Variants in FAN1 observed in about 807,000 individuals in gnomAD.
The protein encoded by FAN1 is FANCD2 and FANCI associated nuclease 1.
A neutral mutation model predicts 104.9 loss-of-function variants in FAN1; 91 were observed. The ratio of observed to expected loss-of-function variants is 0.87; its 90% confidence interval spans 0.73 to 1.03. The LOEUF (loss-of-function observed/expected upper bound fraction) is 1.03. Ranked by LOEUF, FAN1 falls within the 50% of genes least tolerant of loss-of-function variation. FAN1 has a pLI of 0.00. For missense variants in FAN1, 1,263 were observed against 1,239.9 expected, an observed-to-expected ratio of 1.02 and a Z score of -0.28; for synonymous variants, 478 against 457.6, an observed-to-expected ratio of 1.04 and a Z score of -0.57.
chr15:30,923,361 CCTTT>C (rs1199540346), intron 8 of FAN1, among the ~76,000 whole-genome samples: 1 of 152,138 alleles, frequency 6.6e-6, no homozygotes, highest in African/African-American at 2.4e-5. Flanking sequence ...GTTTCTGTCG[CCTTT>C]CTTTCAATGA....
At chr15:30,913,698 A>ATCCC (rs1410602493) in intron 4 of FAN1, among the ~76,000 whole-genome samples, 160 bp from the exon 5 acceptor site, 1 of 152,220 alleles carries the variant, frequency 6.6e-6, no homozygotes, top group Non-Finnish European at 1.5e-5. Context: ...ACTCCTGTGT[A>ATCCC]TCCCTGGGTG....
rs562612785 is a variant in FAN1 at position 30,926,798 on chromosome 15, T to C, written c.2488+859T>C. On this transcript the variant is annotated intron_variant, in intron 10 of 14. Transcript: ENST00000362065. ...CGCTGAAATGCTTTCAGTTGAGCCA[T>C]GAGCCTGAAAAACACACGATTCCTT... 36 of 985,430 alleles carry C rather than the reference T, an allele frequency of 3.7e-5. 1 individual carries two copies. In the South Asian group the frequency reaches 1.4e-3, roughly 37 times the overall value. 61.0% of individuals were successfully genotyped at this position (985,430 alleles called of 1,614,324 possible).
chr15:30,939,570 T>G, intron 14 of FAN1: 1 of 961,538 alleles, frequency 1.0e-6, no homozygotes, highest in Non-Finnish European at 1.2e-6. Flanking sequence ...CATACAAAAA[T>G]ATGCATTTTT....
intron 10 of FAN1, chr15:30,927,928 C>T: frequency 1.0e-6 from 1 of 985,772 alleles, no homozygotes; most frequent in Non-Finnish European, 1.2e-6. Flanking sequence ...GTCAGTAAAA[C>T]ATTTGTGTGA....
rs60673122 is a variant in FAN1 at position 30,932,716 on chromosome 15, C to CTTT, written c.2916+2058_2916+2060dup. ...AAAGTTGTTTATATTTGTTTCTTTT[C>CTTT]TTTTTTTTTTTTTTTGAGATGGAGT... On this transcript the variant is annotated intron_variant, in intron 13 of 14. Transcript: ENST00000362065. Among the ~76,000 whole-genome samples, 486 of 134,334 alleles carry CTTT rather than the reference C, an allele frequency of 3.6e-3. 9 individuals are homozygous for CTTT. The highest frequency in any genetic ancestry group is 7.0e-3 in the African/African-American group (251 of 36,074). 88.1% of individuals were successfully genotyped at this position (134,334 alleles called of 152,430 possible).
chr15:30,923,640 G>A (rs2062389264), intron 8 of FAN1, among the ~76,000 whole-genome samples: 1 of 152,198 alleles, frequency 6.6e-6, no homozygotes, highest in South Asian at 2.1e-4. Flanking sequence ...GGGCAGAGGT[G>A]GAGCCAGCTG....
rs1186907461 is a variant in FAN1, at chr15:30,942,881, G to A, written c.*1319G>A. 2 of 1,554,798 alleles carry A rather than the reference G, an allele frequency of 1.3e-6. No homozygotes were observed. The highest frequency in any genetic ancestry group is 2.4e-5 in the East Asian group (1 of 42,412). On this transcript the variant is annotated 3_prime_UTR_variant, in exon 15 of 15. Transcript: ENST00000362065. ...GAGCCAACATCACGTTTTGTTAGCT[G>A]TGATTTACCTTTGTCCGTTTAAAAG...
Position 30,905,750 on chromosome 15 carries a change from T to C in FAN1, c.1087T>C (p.Cys363Arg), listed in dbSNP as rs2061963022. ...HSIPLEQGSS[C>R]NGPGQTTGHP... ...CATTCCTTTGGAGCAGGGGTCAAGC[T>C]GCAATGGTCCTGGTCAAACAACCGG... Residue 363 changes from cysteine to arginine, a missense_variant, in exon 2 of 15, where the codon TGC becomes CGC. Around this residue, in one of 2 missense-constraint regions of FAN1, gnomAD observed 682 missense variants for 571.1 expected, o/e 1.19. Coordinates refer to ENST00000362065, the MANE Select transcript of FAN1 (RefSeq NM_014967.5). 1 of 1,614,222 alleles carries C rather than the reference T, an allele frequency of 6.2e-7. No homozygotes were observed. The highest frequency in any genetic ancestry group is 8.5e-7 in the Non-Finnish European group (1 of 1,180,040).
intron 6 of FAN1, among the ~76,000 whole-genome samples, chr15:30,920,295 G>T (rs1182729005): frequency 1.3e-5 from 2 of 152,234 alleles, no homozygotes; most frequent in Non-Finnish European, 2.9e-5. Flanking sequence ...GGGTTTGGCT[G>T]TGGGCCGGAG....
intron 10 of FAN1, 47 bp from the exon 11 acceptor site, chr15:30,928,506 T>TGTGTG (rs2062524892): frequency 2.1e-5 from 31 of 1,484,618 alleles, no homozygotes; most frequent in Middle Eastern, 3.9e-4. Context: ...AAAACAGATT[T>TGTGTG]TGTGTGTGTG....
At chr15:30,926,355 G>A (rs571482335) in intron 10 of FAN1, among the ~76,000 whole-genome samples, 24 of 152,308 alleles carry the variant, frequency 1.6e-4, no homozygotes, top group African/African-American at 5.3e-4. Context: ...AGTCGCTTTC[G>A]GGAACAGCCA....
chr15:30,920,538 AT>A lies in FAN1; in HGVS notation c.1944-3del. 1 of 1,590,618 alleles carries A rather than the reference AT, an allele frequency of 6.3e-7. No individual in the cohort carries two copies. Among genetic ancestry groups the A allele is most frequent in the East Asian group, 2.2e-5 (1 of 44,694 alleles). Reference sequence around the variant, plus strand: ...TATTAAACTACTGGTATATGTCTTCATTTTAGATGCCACGAAGATTTACCAC... The same window carrying A: ...TATTAAACTACTGGTATATGTCTTCATTTAGATGCCACGAAGATTTACCAC... On this transcript the variant is annotated splice_region_variant and splice_polypyrimidine_tract_variant and intron_variant, in intron 6 of 14. Transcript: ENST00000362065.
intron 6 of FAN1, among the ~76,000 whole-genome samples, chr15:30,919,928 A>G (rs1347012949): frequency 1.3e-5 from 2 of 152,202 alleles, no homozygotes; most frequent in Non-Finnish European, 2.9e-5. Context: ...GGTCAGCTGT[A>G]TATTTATAGA....
At chr15:30,929,182 C>G in intron 11 of FAN1, 21 bp from the exon 12 acceptor site, 1 of 1,606,712 alleles carries the variant, frequency 6.2e-7, no homozygotes, top group Non-Finnish European at 8.5e-7. Flanking sequence ...AGTATGACAG[C>G]TTGCTTTCCC....
intron 6 of FAN1, among the ~76,000 whole-genome samples, chr15:30,919,074 T>C (rs773730789): frequency 3.3e-5 from 5 of 152,198 alleles, no homozygotes; most frequent in Non-Finnish European, 5.9e-5. Flanking sequence ...GGGAAAAGAA[T>C]ATGTTATTAA....
At chr15:30,915,544 G>C (rs183405820) in intron 5 of FAN1, among the ~76,000 whole-genome samples, 2 of 151,674 alleles carry the variant, frequency 1.3e-5, no homozygotes. Context: ...TGGGGCAGGA[G>C]GGTCACTTGA....
In FAN1 at chr15:30,908,008, G is replaced by T. The variant is rs554569409; in HGVS notation, c.1235-110G>T. ...AAATGGTTTATTCCATAAAATGAAG[G>T]CCTTATACATACAGTAAGCATATGT... On this transcript the variant is annotated intron_variant, in intron 2 of 14. Coordinates refer to ENST00000362065, the MANE Select transcript of FAN1 (RefSeq NM_014967.5). 10 of 767,908 alleles carry T rather than the reference G, an allele frequency of 1.3e-5. No individual in the cohort carries two copies. In the South Asian group the frequency reaches 2.8e-4, roughly 21 times the overall value. The allele number at this position is 767,908 out of a possible 1,614,324, so 47.6% of individuals were successfully genotyped here.
chr15:30,905,905 A>G lies in FAN1; in HGVS notation c.1234+8A>G. The stretch of plus-strand genomic sequence containing the variant: ...AATTTTATCAGTTATCAGGTATCTT[A>G]CGCACGTGTTTGTTTTCAAGTTTTC... On this transcript the variant is annotated splice_region_variant and intron_variant, in intron 2 of 14. Coordinates refer to ENST00000362065, the MANE Select transcript of FAN1 (RefSeq NM_014967.5). The G allele has an allele frequency of 6.2e-7, 1 of 1,604,692 alleles. No individual in the cohort carries two copies. Among genetic ancestry groups the G allele is most frequent in the Non-Finnish European group, 8.5e-7 (1 of 1,174,496 alleles).
At chr15:30,922,400 TCAA>T in intron 8 of FAN1, 46 bp downstream of exon 8, 1 of 1,560,464 alleles carries the variant, frequency 6.4e-7, no homozygotes, top group Non-Finnish European at 8.6e-7. Flanking sequence ...CATTTTAGAA[TCAA>T]CTTTTAAAAT....
Sources: allele counts gnomAD v4.1 joint callset (sites outside exome capture counted in the v4.1 genomes callset), GRCh38; gene constraint gnomAD v4.1.1; regional missense constraint gnomAD v4.1.1; transcripts MANE v1.5; gene names NCBI Gene and HGNC (gene_info 2026-07-23, HGNC 2026-07-21).